GRIN2B: variants seen among roughly 807,000 people sequenced by gnomAD.
The protein encoded by GRIN2B is glutamate ionotropic receptor NMDA type subunit 2B.
A neutral mutation model predicts 114.5 loss-of-function variants in GRIN2B; 5 were observed. The ratio of observed to expected loss-of-function variants is 0.04; its 90% confidence interval spans 0.02 to 0.09. GRIN2B has a LOEUF of 0.09. Among genes scored for constraint, GRIN2B ranks in the 10% least tolerant of loss-of-function variants. The pLI, the probability that GRIN2B is intolerant of heterozygous loss-of-function variation, is 1.00. For missense variants in GRIN2B, 1,108 were observed against 1,943.5 expected (o/e 0.57, Z 8.08); for synonymous variants, 787 against 745.1 (o/e 1.06, Z -0.92).
intron 4 of GRIN2B, among the ~76,000 whole-genome samples, chr12:13,696,168 T>C (rs1275993486): frequency 6.6e-6 from 1 of 152,134 alleles, no homozygotes; most frequent in Non-Finnish European, 1.5e-5. Context: ...GGAGCATTAA[T>C]GAAGACCAAG....
At chr12:13,610,019 T>C (rs1039123703) in intron 9 of GRIN2B, 1 of 152,202 alleles carries the variant, frequency 6.6e-6, no homozygotes, top group African/African-American at 2.4e-5. Flanking sequence ...ACTGCAGAAA[T>C]GAACATCTGC....
chr12:13,891,214 A>G (rs1224836244), intron 2 of GRIN2B, among the ~76,000 whole-genome samples: 4 of 152,222 alleles, frequency 2.6e-5, no homozygotes, highest in African/African-American at 9.6e-5. Flanking sequence ...ATGCATGTGA[A>G]TAATATGCAA....
At chr12:13,950,729 C>G (rs1324241204) in intron 2 of GRIN2B, among the ~76,000 whole-genome samples, 2 of 152,164 alleles carry the variant, frequency 1.3e-5, no homozygotes, top group Non-Finnish European at 2.9e-5. Flanking sequence ...ACTCTCATGC[C>G]TCTGACTCAT....
At chr12:13,791,792 T>G (rs1864326763) in intron 3 of GRIN2B, among the ~76,000 whole-genome samples, 1 of 152,234 alleles carries the variant, frequency 6.6e-6, no homozygotes. Flanking sequence ...AATATTTATC[T>G]CTTCTTTAAG....
rs1013193996 is a variant in GRIN2B at position 13,564,919 on chromosome 12, T to C, written c.2599-280A>G. Among the ~76,000 whole-genome samples, 1 of 152,230 alleles carries C rather than the reference T, an allele frequency of 6.6e-6. No homozygotes were observed. On this transcript the variant is annotated intron_variant, in intron 13 of 13. Coordinates refer to ENST00000609686, the MANE Select transcript of GRIN2B (RefSeq NM_000834.5). This position sits in a 1 kb window ranked among gnomAD's most constrained non-coding sequence, Gnocchi z 4.8. ...GCAAAGGGACTGGAATCATAAGATATGGCATTTTTGCCTCAGCTTCACTGT... is the reference window on the plus strand; with the variant it reads ...GCAAAGGGACTGGAATCATAAGATACGGCATTTTTGCCTCAGCTTCACTGT...
chr12:13,980,669 C>A (rs974569200), intron 1 of GRIN2B, among the ~76,000 whole-genome samples: 36 of 152,084 alleles, frequency 2.4e-4, no homozygotes, highest in African/African-American at 8.4e-4. Flanking sequence ...GGGGGAGAAG[C>A]GGCACCATAC....
intron 3 of GRIN2B, among the ~76,000 whole-genome samples, chr12:13,782,635 G>T (rs767787921): frequency 1.3e-5 from 2 of 152,190 alleles, no homozygotes; most frequent in East Asian, 3.8e-4. Flanking sequence ...AATGAGACAT[G>T]TTTCTTGCAG....
chr12:13,568,716 AG>A (rs1362256485), intron 12 of GRIN2B, among the ~76,000 whole-genome samples: 1 of 152,246 alleles, frequency 6.6e-6, no homozygotes, highest in Non-Finnish European at 1.5e-5. Flanking sequence ...GAAGCCAACA[AG>A]GGTCTGGCTG....
chr12:13,944,773 A>C (rs1867332853), intron 2 of GRIN2B, among the ~76,000 whole-genome samples: 2 of 152,216 alleles, frequency 1.3e-5, no homozygotes, highest in Non-Finnish European at 2.9e-5. Context: ...TAACATAGAA[A>C]TATAAAGGCT....
At chr12:13,817,624 T>A (rs2136690415) in intron 3 of GRIN2B, among the ~76,000 whole-genome samples, 1 of 152,322 alleles carries the variant, frequency 6.6e-6, no homozygotes, top group African/African-American at 2.4e-5. Flanking sequence ...GGAAACTTAA[T>A]AAAGGGAAGT....
chr12:13,679,498 T>C (rs1200015738), intron 4 of GRIN2B, among the ~76,000 whole-genome samples: 1 of 152,164 alleles, frequency 6.6e-6, no homozygotes, highest in East Asian at 1.9e-4. Flanking sequence ...CAGCTCTAAG[T>C]TCATTTTATC....
At chr12:13,581,490 GAGA>G (rs376073517) in intron 10 of GRIN2B, among the ~76,000 whole-genome samples, 4 of 151,888 alleles carry the variant, frequency 2.6e-5, no homozygotes, top group African/African-American at 2.4e-5. Flanking sequence ...GGCCCAGTGG[GAGA>G]AGAAGAAGGT....
rs1555118160 is a variant in GRIN2B, at chr12:13,665,166, TTTG to T, written c.1125+10576_1125+10578del. Among the ~76,000 whole-genome samples, 32 of 26,106 alleles carry T rather than the reference TTTG, an allele frequency of 1.2e-3. 2 individuals are homozygous for T. Among genetic ancestry groups the T allele is most frequent in the South Asian group, 8.2e-3 (2 of 244 alleles). 17.1% of individuals were successfully genotyped at this position (26,106 alleles called of 152,430 possible). ...GTGTGTTTGTGTGTGTGTGTGTGTG[TTTG>T]TGTGTGTGTGTGTGTGTGTGTGATA... On this transcript the variant is annotated intron_variant, in intron 5 of 13. Coordinates refer to ENST00000609686, the MANE Select transcript of GRIN2B (RefSeq NM_000834.5).
intron 2 of GRIN2B, among the ~76,000 whole-genome samples, chr12:13,902,361 T>C (rs1172204003): frequency 6.6e-6 from 1 of 152,234 alleles, no homozygotes; most frequent in Admixed American, 6.5e-5. Context: ...TTTTTCAGTA[T>C]GTAAATATAG....
intron 3 of GRIN2B, among the ~76,000 whole-genome samples, chr12:13,809,640 G>C (rs1190295539): frequency 6.6e-6 from 1 of 152,024 alleles, no homozygotes; most frequent in African/African-American, 2.4e-5. Context: ...GTCTTAAAAG[G>C]GTATAAGGAG....
At chr12:13,883,825 C>T (rs943714115) in intron 2 of GRIN2B, among the ~76,000 whole-genome samples, 22 of 152,018 alleles carry the variant, frequency 1.4e-4, no homozygotes, top group African/African-American at 4.8e-4. Context: ...TTTTATAGCT[C>T]ATACATTTTG....
At position 13,547,953 on chromosome 12, in the gene GRIN2B, G is replaced by GTA. The variant is rs544430530; in HGVS notation, c.*14829_*14830insTA. 3.1e-3 allele frequency: 261 copies of GTA among 83,226 alleles called. 3 individuals carry two copies. Among genetic ancestry groups the GTA allele is most frequent in the African/African-American group, 0.01 (247 of 23,772 alleles). The allele number at this position is 83,226 out of a possible 1,614,324, so 5.2% of individuals were successfully genotyped here. A position where few individuals can be genotyped will look rare whatever the true frequency, so the allele number is the denominator to read the frequency against. On this transcript the variant is annotated 3_prime_UTR_variant, in exon 14 of 14. Coordinates refer to ENST00000609686, the MANE Select transcript of GRIN2B (RefSeq NM_000834.5). ...TATGTATATGTATGTATGTATGTAT[G>GTA]TGTGTGTATATATATATATATATAT...
At chr12:13,864,179 T>C (rs1865789019) in intron 3 of GRIN2B, among the ~76,000 whole-genome samples, 1 of 152,186 alleles carries the variant, frequency 6.6e-6, no homozygotes, top group African/African-American at 2.4e-5. Context: ...CATATGATAC[T>C]GGAATGTCTT....
At chr12:13,935,362 T>C (rs1301346124) in intron 2 of GRIN2B, among the ~76,000 whole-genome samples, 2 of 152,236 alleles carry the variant, frequency 1.3e-5, no homozygotes, top group African/African-American at 2.4e-5. Flanking sequence ...GGGATTCCCA[T>C]AGCAATAATC....
Sources: gnomAD v4.1 joint callset for allele counts (sites outside exome capture counted in the v4.1 genomes callset) on GRCh38, gnomAD v4.1.1 for gene constraint, Gnocchi (gnomAD v3.1) non-coding constraint, MANE v1.5 for transcripts, NCBI Gene and HGNC (gene_info 2026-07-23, HGNC 2026-07-21) for gene names.